NICOL1: variants seen among roughly 807,000 people sequenced by gnomAD.
The protein encoded by NICOL1 is NELL2 interacting cell ontogeny regulator 1.
chr4:2,042,554 C>G, the NICOL1 span: 2 of 472,750 alleles, frequency 4.2e-6, no homozygotes, highest in Non-Finnish European at 7.5e-6. Context: ...GGCCGGGGCT[C>G]TGCGGGGAGG....
the NICOL1 span, among the ~76,000 whole-genome samples, chr4:2,041,481 G>C: frequency 2.7e-3 from 411 of 152,288 alleles, no homozygotes; most frequent in African/African-American, 9.0e-3. Context: ...GTGGGTAGCC[G>C]GGAGGGACCG....
the NICOL1 span, chr4:2,042,844 C>G: frequency 6.8e-7 from 1 of 1,463,290 alleles, no homozygotes; most frequent in Admixed American, 2.3e-5. Flanking sequence ...CGCGGCGCGA[C>G]GGTCCTCCCG....
At chr4:2,039,922 A>T in the NICOL1 span, among the ~76,000 whole-genome samples, 1 of 152,190 alleles carries the variant, frequency 6.6e-6, no homozygotes, top group Non-Finnish European at 1.5e-5. Context: ...GAGAAAAATT[A>T]TAAGAAAGGC....
At chr4:2,038,140 A>C in the NICOL1 span, among the ~76,000 whole-genome samples, 2 of 147,634 alleles carry the variant, frequency 1.4e-5, no homozygotes, top group Non-Finnish European at 3.0e-5. Flanking sequence ...TATAAGTAAT[A>C]ATTACATTGA....
At chr4:2,042,811 G>C in the NICOL1 span, 8 of 1,498,142 alleles carry the variant, frequency 5.3e-6, no homozygotes, top group East Asian at 2.2e-4. Flanking sequence ...ACAGCCTGCA[G>C]CCTGGACGCG....
At chr4:2,042,285 G>T in the NICOL1 span, 6 of 831,008 alleles carry the variant, frequency 7.2e-6, no homozygotes, top group African/African-American at 1.1e-4. Flanking sequence ...CACCGGCCCG[G>T]GGCGGGCGGG....
the NICOL1 span, chr4:2,041,829 C>A: frequency 1.4e-6 from 1 of 691,364 alleles, no homozygotes; most frequent in Non-Finnish European, 2.2e-6. Flanking sequence ...TAGACTGCAT[C>A]CGCCATGGGC....
At chr4:2,037,379 C>G in the NICOL1 span, among the ~76,000 whole-genome samples, 3 of 152,166 alleles carry the variant, frequency 2.0e-5, no homozygotes, top group African/African-American at 4.8e-5. Context: ...CAGGCTTGAG[C>G]CACTGCGCTC....
At chr4:2,041,696 C>G in the NICOL1 span, 1 of 352,182 alleles carries the variant, frequency 2.8e-6, no homozygotes, top group Non-Finnish European at 5.1e-6. Context: ...TCGAGCAGCT[C>G]CCTCAGGATC....
At chr4:2,041,272 C>A in the NICOL1 span, among the ~76,000 whole-genome samples, 3 of 152,062 alleles carry the variant, frequency 2.0e-5, no homozygotes, top group East Asian at 5.8e-4. Flanking sequence ...CCTCCCAGGG[C>A]GTCCGGGGCC....
the NICOL1 span, among the ~76,000 whole-genome samples, chr4:2,038,653 C>G: frequency 1.3e-5 from 2 of 152,074 alleles, no homozygotes; most frequent in Non-Finnish European, 2.9e-5. Context: ...AATATATGTA[C>G]TCAATTAGAT....
At chr4:2,042,186 G>T in the NICOL1 span, 5 of 1,443,274 alleles carry the variant, frequency 3.5e-6, no homozygotes, top group African/African-American at 7.6e-5. Context: ...GTGGGGAGGG[G>T]GCTCCCGGGC....
At chr4:2,037,673 T>A in the NICOL1 span, among the ~76,000 whole-genome samples, 4 of 152,162 alleles carry the variant, frequency 2.6e-5, no homozygotes, top group African/African-American at 9.6e-5. Flanking sequence ...TAAATGTAAA[T>A]AGGATAAACA....
At chr4:2,041,150 T>TGGGGGGG in the NICOL1 span, among the ~76,000 whole-genome samples, 1 of 65,598 alleles carries the variant, frequency 1.5e-5, no homozygotes, top group African/African-American at 5.9e-5. Context: ...CTGGGTGGGG[T>TGGGGGGG]GGGGGGGGAG....
chr4:2,042,345 G>A, the NICOL1 span: 1 of 520,360 alleles, frequency 1.9e-6, no homozygotes, highest in Admixed American at 4.0e-5. Context: ...CGCTCCCTCT[G>A]CTGGCCATGG....
chr4:2,042,766 A>C, the NICOL1 span: 1 of 1,518,282 alleles, frequency 6.6e-7, no homozygotes. Context: ...CACGCCTTCG[A>C]GTTCATGCAG....
the NICOL1 span, among the ~76,000 whole-genome samples, chr4:2,040,039 C>CAG: frequency 5.9e-5 from 9 of 151,510 alleles, no homozygotes; most frequent in South Asian, 1.3e-3. Context: ...GCAAGTATGA[C>CAG]AGAGAGAGAG....
At chr4:2,037,515 T>A in the NICOL1 span, among the ~76,000 whole-genome samples, 3 of 152,360 alleles carry the variant, frequency 2.0e-5, no homozygotes, top group East Asian at 5.8e-4. Flanking sequence ...CATTAAATGC[T>A]TAGATTAGAA....
chr4:2,042,589 G>C, the NICOL1 span: 2 of 503,828 alleles, frequency 4.0e-6, no homozygotes, highest in Non-Finnish European at 6.9e-6. Context: ...TTGTTCCCGG[G>C]AGCGGGTCCT....
Sources: allele counts gnomAD v4.1 joint callset (sites outside exome capture counted in the v4.1 genomes callset), GRCh38; gene constraint gnomAD v4.1.1; transcripts MANE v1.5; gene names NCBI Gene and HGNC (gene_info 2026-07-23, HGNC 2026-07-21).